The following POLR3D variants were observed in gnomAD, a reference collection of about 807,000 sequenced individuals.
POLR3D encodes DNA-directed RNA polymerase III subunit RPC4.
POLR3D carries 42 observed loss-of-function variants against 44.5 expected under a neutral mutation model. That is an observed-to-expected ratio of 0.94 (90% CI 0.74 to 1.22). The LOEUF (loss-of-function observed/expected upper bound fraction) is 1.22, where lower values mean the gene tolerates loss of function less well. POLR3D is among the 50% of genes most tolerant of loss of function. The pLI, the probability that POLR3D is intolerant of heterozygous loss-of-function variation, is 0.00. For missense variants in POLR3D, 507 were observed against 505.2 expected (o/e 1.00, Z -0.03); for synonymous variants, 217 against 198.1 (o/e 1.10, Z -0.80).
At position 22,248,259 on chromosome 8, in the gene POLR3D, G is replaced by C; in HGVS notation, c.467G>C (p.Arg156Pro). 1 of 1,614,116 alleles carries C rather than the reference G, an allele frequency of 6.2e-7. No individual in the cohort carries two copies. Residue 156 changes from arginine (R) to proline (P), a missense_variant, in exon 5 of 9, where the codon CGT becomes CCT. By Grantham distance (103) the Arg-to-Pro change is moderately radical. Coordinates refer to ENST00000306433, the MANE Select transcript of POLR3D (RefSeq NM_001722.3). ...ETDEETKQIL[R>P]MLEKDDFLDD... Reference sequence around the variant, plus strand: ...GACGAAGAAACTAAACAGATCTTGCGTATGCTGGAGAAGGACGATGTGGGT... The same window carrying C: ...GACGAAGAAACTAAACAGATCTTGCCTATGCTGGAGAAGGACGATGTGGGT...
chr8:22,250,677 G>A lies in POLR3D; in HGVS notation c.*159G>A, dbSNP rs1830097799. 1 of 834,792 alleles carries A rather than the reference G, an allele frequency of 1.2e-6. No individual in the cohort carries two copies. The highest frequency in any genetic ancestry group is 1.9e-6 in the Non-Finnish European group (1 of 516,788). 51.7% of individuals were successfully genotyped at this position (834,792 alleles called of 1,614,324 possible). On this transcript the variant is annotated 3_prime_UTR_variant, in exon 9 of 9. Transcript: ENST00000306433. ...AGGTCCCCCAGGGCTTCCTCCCACA[G>A]CAGCTGTGAATGGCACAGTGACCTT... is the stretch of plus-strand genomic sequence containing the variant.
At position 22,253,570 on chromosome 8, in the gene POLR3D, TTTTTAA is replaced by T; in HGVS notation, c.*3053_*3058del. ...CATAAAGTATTCATCTAGGCATAACTTTTTAAAATATTCAGTCACCTTTTATTCTAC... is the reference window on the plus strand; with the variant it reads ...CATAAAGTATTCATCTAGGCATAACTAATATTCAGTCACCTTTTATTCTAC... On this transcript the variant is annotated 3_prime_UTR_variant, in exon 9 of 9. Transcript: ENST00000306433. The T allele has an allele frequency of 6.6e-6, 1 of 152,250 alleles. No individual in the cohort carries two copies. The highest frequency in any genetic ancestry group is 1.9e-4 in the East Asian group (1 of 5,208). The allele number at this position is 152,250 out of a possible 1,614,324, so 9.4% of individuals were successfully genotyped here.
chr8:22,247,408 C>A (rs1228932934), intron 3 of POLR3D, 144 bp downstream of exon 3: 2 of 601,928 alleles, frequency 3.3e-6, no homozygotes, highest in Non-Finnish European at 5.9e-6. Flanking sequence ...ACCCTGGCTC[C>A]TAGGTGATTC....
intron 2 of POLR3D, among the ~76,000 whole-genome samples, chr8:22,246,353 C>A (rs190947626): frequency 6.6e-6 from 1 of 151,882 alleles, no homozygotes; most frequent in Non-Finnish European, 1.5e-5. Context: ...TTCTTGAACC[C>A]CTGACCTCGT....
chr8:22,247,815 A>G, intron 3 of POLR3D, 42 bp from the exon 4 acceptor site: 1 of 1,592,234 alleles, frequency 6.3e-7, no homozygotes. Flanking sequence ...TTTTGGAGAC[A>G]CAGTGAGTGA....
chr8:22,253,377 T>G lies in POLR3D; in HGVS notation c.*2859T>G, dbSNP rs533261830. On this transcript the variant is annotated 3_prime_UTR_variant, in exon 9 of 9. Transcript: ENST00000306433. ...TAGAGTGGGGCCACGTGCCCACTCT[T>G]GGACCAGGCCCTGGCAAAGGGGGAT... 1 of 152,336 alleles carries G rather than the reference T, an allele frequency of 6.6e-6. No individual in the cohort carries two copies. The highest frequency in any genetic ancestry group is 2.4e-5 in the African/African-American group (1 of 41,572). 9.4% of individuals were successfully genotyped at this position (152,336 alleles called of 1,614,324 possible). A position where few individuals can be genotyped will look rare whatever the true frequency, so the allele number is the denominator to read the frequency against.
rs1292959633 is a variant in POLR3D at position 22,245,550 on chromosome 8, C to G, written c.101C>G (p.Pro34Arg). 3.2e-6 allele frequency: 4 copies of G among 1,263,122 alleles called. No individual in the cohort carries two copies. Among genetic ancestry groups the G allele is most frequent in the Non-Finnish European group, 4.0e-6 (4 of 996,426 alleles). 78.2% of individuals were successfully genotyped at this position (1,263,122 alleles called of 1,614,324 possible). ...RGLIGRRPAPPLTPGRLPSIR... is the reference protein window; with the variant it reads ...RGLIGRRPAPRLTPGRLPSIR... ...CTCATCGGGCGGCGGCCGGCGCCTC[C>G]CCTCACCCCCGGCCGCCTTCCCTCC... Residue 34 changes from proline to arginine, a missense_variant, in exon 2 of 9, where the codon CCC becomes CGC. By Grantham distance (103) the Pro-to-Arg change is moderately radical. Coordinates refer to ENST00000306433, the MANE Select transcript of POLR3D (RefSeq NM_001722.3).
intron 1 of POLR3D, 120 bp downstream of exon 1, chr8:22,245,303 A>C (rs1483055392): frequency 3.6e-6 from 2 of 552,122 alleles, no homozygotes; most frequent in African/African-American, 3.9e-5. Context: ...TGGTCCCGGG[A>C]GTCTCGCCAC....
At chr8:22,246,503 A>C (rs1323555967) in intron 2 of POLR3D, among the ~76,000 whole-genome samples, 6 of 132,954 alleles carry the variant, frequency 4.5e-5, no homozygotes, top group Non-Finnish European at 9.8e-5. Flanking sequence ...TGGAGTGCAG[A>C]GGCACCATCT....
rs1397385990 is a variant in POLR3D at position 22,250,875 on chromosome 8, G to A, written c.*357G>A. The A allele has an allele frequency of 1.4e-5, 4 of 287,726 alleles. No individual in the cohort carries two copies. The highest frequency in any genetic ancestry group is 4.3e-5 in the Admixed American group (1 of 23,316). 17.8% of individuals were successfully genotyped at this position (287,726 alleles called of 1,614,324 possible). ...CTGCTGGGTTGCAGGGGCAGGAAGC[G>A]TGTGGACTGCAGCTTCTGCTGGTGC... On this transcript the variant is annotated 3_prime_UTR_variant, in exon 9 of 9. Coordinates refer to ENST00000306433, the MANE Select transcript of POLR3D (RefSeq NM_001722.3).
At position 22,248,637 on chromosome 8, in the gene POLR3D, C is replaced by A. The variant is rs1163102911; in HGVS notation, c.643C>A (p.Pro215Thr). 1.2e-6 allele frequency: 2 copies of A among 1,613,150 alleles called. No homozygotes were observed. Among genetic ancestry groups the A allele is most frequent in the South Asian group, 1.1e-5 (1 of 91,018 alleles). Residue 215 changes from proline to threonine, a missense_variant, in exon 6 of 9, where the codon CCT (proline) becomes ACT (threonine). Coordinates refer to ENST00000306433, the MANE Select transcript of POLR3D (RefSeq NM_001722.3). ...GGAAGAGGACATGGAGGTGGACATACCTGCTGTGAAAGGTACTCTGTCGGT... is the reference window on the plus strand; with the variant it reads ...GGAAGAGGACATGGAGGTGGACATAACTGCTGTGAAAGGTACTCTGTCGGT... ...PKEEDMEVDI[P>T]AVKVKEEPRD...
In POLR3D at chr8:22,248,160, G is replaced by T; in HGVS notation, c.368G>T (p.Trp123Leu). Residue 123 changes from tryptophan to leucine, a missense_variant, in exon 5 of 9, where the codon TGG (tryptophan) becomes TTG (leucine). Transcript: ENST00000306433. ...CCTGGGTGATTTCCCACAGGGAACT[G>T]GGATAAGACAGTGGATGTGTCAGAC... ...PAEMMKKKGNWDKTVDVSDMG... is the reference protein window; with the variant it reads ...PAEMMKKKGNLDKTVDVSDMG... 6.2e-7 allele frequency: 1 copy of T among 1,614,092 alleles called. No individual in the cohort carries two copies. The highest frequency in any genetic ancestry group is 8.5e-7 in the Non-Finnish European group (1 of 1,179,994).
intron 7 of POLR3D, among the ~76,000 whole-genome samples, 165 bp downstream of exon 7, chr8:22,249,474 A>C (rs1359719900): frequency 2.0e-5 from 3 of 152,150 alleles, no homozygotes; most frequent in African/African-American, 4.8e-5. Flanking sequence ...TCCAACCCCA[A>C]TTGTGTATGT....
At chr8:22,248,973 A>C (rs940951076) in intron 6 of POLR3D, 71 bp from the exon 7 acceptor site, 7 of 1,550,582 alleles carry the variant, frequency 4.5e-6, no homozygotes, top group East Asian at 2.3e-5. Context: ...GACAGGGGCA[A>C]AGGGCTGGTA....
In POLR3D at chr8:22,248,492, C is replaced by A. The variant is rs1830065879; in HGVS notation, c.498C>A (p.Asp166Glu). The change falls in exon 6 of 9, where the codon GAC becomes GAA. Residue 166 changes from aspartate to glutamate, a missense_variant. Physicochemically the swap from Asp to Glu is conservative, Grantham distance 45. Coordinates refer to ENST00000306433, the MANE Select transcript of POLR3D (RefSeq NM_001722.3). ...RMLEKDDFLD[D>E]PGLRNDTRNM... ...ACTCTCTTTGGCAGTTCCTCGATGACCCCGGCCTGAGGAACGACACTCGAA... is the reference window on the plus strand; with the variant it reads ...ACTCTCTTTGGCAGTTCCTCGATGAACCCGGCCTGAGGAACGACACTCGAA... 6.2e-7 allele frequency: 1 copy of A among 1,613,902 alleles called. No individual in the cohort carries two copies. The highest frequency in any genetic ancestry group is 8.5e-7 in the Non-Finnish European group (1 of 1,179,942).
In POLR3D at chr8:22,248,206, C is replaced by G; in HGVS notation, c.414C>G (p.Ile138Met). 1.2e-6 allele frequency: 2 copies of G among 1,613,988 alleles called. No homozygotes were observed. The highest frequency in any genetic ancestry group is 1.7e-6 in the Non-Finnish European group (2 of 1,179,976). ...CAGACATGGGACCTTCTCATATCAT[C>G]AACATCAAAAAAGAGAAGAGAGAGA... is the stretch of plus-strand genomic sequence containing the variant. ...DVSDMGPSHI[I>M]NIKKEKRETD... Residue 138 changes from isoleucine (I) to methionine (M), a missense_variant, in exon 5 of 9, where the codon ATC (isoleucine) becomes ATG (methionine). By Grantham distance (10) the Ile-to-Met change is conservative. Coordinates refer to ENST00000306433, the MANE Select transcript of POLR3D (RefSeq NM_001722.3).
rs918017284 is a variant in POLR3D, at chr8:22,248,376, G to A, written c.486+98G>A. On this transcript the variant is annotated intron_variant, in intron 5 of 8. Coordinates refer to ENST00000306433, the MANE Select transcript of POLR3D (RefSeq NM_001722.3). Reference sequence around the variant, plus strand: ...GGGTAGAAGAGCTTACTGATGTCCTGGAATCCTGGGGAGCAGCGGAATCTT... The same window carrying A: ...GGGTAGAAGAGCTTACTGATGTCCTAGAATCCTGGGGAGCAGCGGAATCTT... 6 of 1,571,014 alleles carry A rather than the reference G, an allele frequency of 3.8e-6. No individual in the cohort carries two copies. The Admixed American group carries it at 7.1e-5, about 19-fold the overall frequency.
chr8:22,248,931 T>C (rs984994665), intron 6 of POLR3D, 113 bp from the exon 7 acceptor site: 3 of 1,242,626 alleles, frequency 2.4e-6, no homozygotes, highest in Non-Finnish European at 3.5e-6. Flanking sequence ...TGGTGCCTCC[T>C]TCCCACTCCC....
Position 22,246,412 on chromosome 8 carries a change from G to C in POLR3D, c.165+798G>C, listed in dbSNP as rs183091185. Reference sequence around the variant, plus strand: ...CCCAAGGTGCTGGGATTACAGGTGTGAGCCACCGCTCCTGGCCGAATAAAG... The same window carrying C: ...CCCAAGGTGCTGGGATTACAGGTGTCAGCCACCGCTCCTGGCCGAATAAAG... On this transcript the variant is annotated intron_variant, in intron 2 of 8. Transcript: ENST00000306433. Among the ~76,000 whole-genome samples, 6 of 151,716 alleles carry C rather than the reference G, an allele frequency of 4.0e-5. No individual in the cohort carries two copies. In the East Asian group the frequency reaches 1.2e-3, roughly 30 times the overall value.
Sources: allele counts gnomAD v4.1 joint callset (sites outside exome capture counted in the v4.1 genomes callset), GRCh38; gene constraint gnomAD v4.1.1; transcripts MANE v1.5; gene names NCBI Gene and HGNC (gene_info 2026-07-23, HGNC 2026-07-21).